RANBP2: variants seen among roughly 807,000 people sequenced by gnomAD.
The protein encoded by RANBP2 is E3 SUMO-protein ligase RanBP2.
RANBP2 carries 57 observed loss-of-function variants against 303.6 expected under a neutral mutation model. The observed-to-expected ratio is 0.19, with a 90% CI of 0.15 to 0.23. The LOEUF is 0.23. Among genes scored for constraint, RANBP2 ranks in the 10% least tolerant of loss-of-function variants. The pLI is 1.00. For missense variants in RANBP2, 3,138 were observed against 3,780.8 expected (o/e 0.83, Z 4.46); for synonymous variants, 1,167 against 1,301.5 (o/e 0.90, Z 2.23).
the RANBP2 span, chr2:108,910,795 C>T: frequency 6.2e-7 from 1 of 1,613,520 alleles, no homozygotes; most frequent in South Asian, 1.1e-5. Context: ...CTTTCTTCTC[C>T]TCGTCCTTGC....
At chr2:108,806,275 G>A in the RANBP2 span, among the ~76,000 whole-genome samples, 3 of 152,120 alleles carry the variant, frequency 2.0e-5, no homozygotes, top group African/African-American at 7.2e-5. Context: ...CTCTTGTGAG[G>A]ATTTTAAAAA....
the RANBP2 span, among the ~76,000 whole-genome samples, chr2:109,292,951 C>T: frequency 2.0e-5 from 3 of 152,138 alleles, no homozygotes; most frequent in Admixed American, 1.3e-4. Context: ...AGGCTGGTCT[C>T]GAACTCCTGA....
chr2:109,009,746 A>C, the RANBP2 span, among the ~76,000 whole-genome samples: 25 of 121,066 alleles, frequency 2.1e-4, no homozygotes, highest in East Asian at 5.7e-4. Context: ...GGATCTCTCT[A>C]TGTTTACCCA....
At chr2:109,597,482 T>C in the RANBP2 span, among the ~76,000 whole-genome samples, 7 of 152,176 alleles carry the variant, frequency 4.6e-5, no homozygotes, top group Non-Finnish European at 8.8e-5. Flanking sequence ...TGTGACTCTG[T>C]CTCAGAGAAA....
chr2:109,473,714 G>GCCAC, the RANBP2 span, among the ~76,000 whole-genome samples: 1 of 148,010 alleles, frequency 6.8e-6, no homozygotes, highest in African/African-American at 2.5e-5. Flanking sequence ...AGCTCACTCA[G>GCCAC]CCACCCACCC....
At chr2:108,757,808 GGTTAAT>G (rs1315351271) in intron 17 of RANBP2, among the ~76,000 whole-genome samples, 11 of 152,096 alleles carry the variant, frequency 7.2e-5, no homozygotes, top group Admixed American at 3.3e-4. Context: ...ACGTCAGAAA[GGTTAAT>G]GTAGGCAAGT....
chr2:109,561,549 C>T, the RANBP2 span, among the ~76,000 whole-genome samples: 49 of 152,246 alleles, frequency 3.2e-4, no homozygotes, highest in Middle Eastern at 3.4e-3. Flanking sequence ...CTGCTGACTC[C>T]CAAATTACTA....
At chr2:109,249,532 T>G in the RANBP2 span, among the ~76,000 whole-genome samples, 4 of 96,450 alleles carry the variant, frequency 4.1e-5, no homozygotes, top group Non-Finnish European at 8.1e-5. Flanking sequence ...TCTTTCTTTC[T>G]TTCCTTCCTT....
chr2:109,309,602 A>G, the RANBP2 span, among the ~76,000 whole-genome samples: 1 of 128,734 alleles, frequency 7.8e-6, no homozygotes, highest in African/African-American at 3.8e-5. Flanking sequence ...GTATTCAGGA[A>G]ACCCATCTCA....
chr2:109,555,588 C>T, the RANBP2 span, among the ~76,000 whole-genome samples: 1 of 152,194 alleles, frequency 6.6e-6, no homozygotes, highest in South Asian at 2.1e-4. Flanking sequence ...TGACAAACTG[C>T]GTCTGCCATC....
At chr2:109,629,355 ATTTT>A in the RANBP2 span, among the ~76,000 whole-genome samples, 175 of 15,280 alleles carry the variant, frequency 0.011, 4 homozygotes, top group African/African-American at 0.015. Context: ...ATATATATAT[ATTTT>A]TTTTTTTTTT....
At chr2:109,493,530 C>T in the RANBP2 span, among the ~76,000 whole-genome samples, 7 of 150,782 alleles carry the variant, frequency 4.6e-5, no homozygotes, top group Non-Finnish European at 1.0e-4. Flanking sequence ...CATTGCATAC[C>T]CACACCCTTC....
At chr2:108,900,216 C>T in the RANBP2 span, among the ~76,000 whole-genome samples, 1 of 152,092 alleles carries the variant, frequency 6.6e-6, no homozygotes, top group Non-Finnish European at 1.5e-5. Context: ...TATAAAATAG[C>T]AGACTTAAGC....
chr2:109,727,250 G>T, the RANBP2 span, among the ~76,000 whole-genome samples: 9 of 152,258 alleles, frequency 5.9e-5, 1 homozygote, highest in South Asian at 1.9e-3. Context: ...TACCTATGGG[G>T]TAGTCTACCC....
the RANBP2 span, among the ~76,000 whole-genome samples, chr2:108,964,017 T>C: frequency 1.3e-5 from 2 of 152,222 alleles, no homozygotes; most frequent in Non-Finnish European, 2.9e-5. Flanking sequence ...GACTATGGCC[T>C]CTGTGGCTGC....
chr2:109,177,124 TGAG>T, the RANBP2 span, among the ~76,000 whole-genome samples: 2 of 152,214 alleles, frequency 1.3e-5, no homozygotes, highest in Non-Finnish European at 2.9e-5. Flanking sequence ...CGTGTGGTGC[TGAG>T]ATTAGCCATC....
chr2:109,611,634 C>A, the RANBP2 span, among the ~76,000 whole-genome samples: 2 of 151,384 alleles, frequency 1.3e-5, no homozygotes, highest in Admixed American at 6.6e-5. Flanking sequence ...GTGGTGCACA[C>A]CTATAGTCCT....
At chr2:109,264,050 A>G in the RANBP2 span, among the ~76,000 whole-genome samples, 1 of 152,214 alleles carries the variant, frequency 6.6e-6, no homozygotes, top group Admixed American at 6.5e-5. Flanking sequence ...TTGCAAAACC[A>G]TCTGGGCTGT....
chr2:108,731,633 A>C, intron 4 of RANBP2, 159 bp downstream of exon 4: 1 of 1,376,912 alleles, frequency 7.3e-7, no homozygotes, highest in East Asian at 2.4e-5. Context: ...CTGAGCATCT[A>C]CTGTCTTATT....
Sources: allele counts gnomAD v4.1 joint callset (sites outside exome capture counted in the v4.1 genomes callset), GRCh38; gene constraint gnomAD v4.1.1; transcripts MANE v1.5; gene names NCBI Gene and HGNC (gene_info 2026-07-23, HGNC 2026-07-21).